SPMAP2L: variants seen among roughly 807,000 people sequenced by gnomAD.
SPMAP2L encodes the protein sperm microtubule associated protein 2 like, also known as sperm microtubule associated protein 2-like.
chr4:56,570,107 A>G, the SPMAP2L span, among the ~76,000 whole-genome samples: 1 of 152,016 alleles, frequency 6.6e-6, no homozygotes, highest in East Asian at 1.9e-4. Context: ...TGCTTTCCCC[A>G]TTTTTGAGTC....
chr4:56,587,626 G>C, the SPMAP2L span, among the ~76,000 whole-genome samples: 1 of 152,104 alleles, frequency 6.6e-6, no homozygotes, highest in South Asian at 2.1e-4. Flanking sequence ...ATTTCATCCA[G>C]GTCACTGCAA....
At chr4:56,570,611 G>A in the SPMAP2L span, among the ~76,000 whole-genome samples, 2 of 152,178 alleles carry the variant, frequency 1.3e-5, no homozygotes, top group South Asian at 4.1e-4. Context: ...GGAGCTTGCA[G>A]GACTGGAAGT....
the SPMAP2L span, among the ~76,000 whole-genome samples, chr4:56,599,564 C>T: frequency 2.0e-5 from 3 of 152,082 alleles, no homozygotes; most frequent in African/African-American, 4.8e-5. Flanking sequence ...CACCCCCTGC[C>T]GCTGACAGGC....
chr4:56,583,269 A>G, the SPMAP2L span, among the ~76,000 whole-genome samples: 6 of 150,988 alleles, frequency 4.0e-5, no homozygotes, highest in Non-Finnish European at 7.4e-5. Context: ...GCGAGACTCC[A>G]TCTGAGAAAA....
chr4:56,580,141 G>C, the SPMAP2L span, among the ~76,000 whole-genome samples: 1 of 152,100 alleles, frequency 6.6e-6, no homozygotes, highest in South Asian at 2.1e-4. Flanking sequence ...GACCAATATA[G>C]TTTATGAATA....
At chr4:56,550,456 A>T in the SPMAP2L span, among the ~76,000 whole-genome samples, 1 of 152,198 alleles carries the variant, frequency 6.6e-6, no homozygotes, top group East Asian at 1.9e-4. Context: ...GAGAAAATGA[A>T]ATTCAGCAAA....
chr4:56,581,283 C>A, the SPMAP2L span, among the ~76,000 whole-genome samples: 2 of 151,942 alleles, frequency 1.3e-5, no homozygotes, highest in East Asian at 3.9e-4. Flanking sequence ...GGTAAAACCT[C>A]GTCTCTACTA....
At chr4:56,594,635 A>G in the SPMAP2L span, 22 of 1,363,420 alleles carry the variant, frequency 1.6e-5, no homozygotes, top group African/African-American at 8.5e-5. Flanking sequence ...AAGTGCCCAC[A>G]TGGCAGGCAT....
chr4:56,579,029 C>G, the SPMAP2L span, among the ~76,000 whole-genome samples: 1 of 151,626 alleles, frequency 6.6e-6, no homozygotes, highest in South Asian at 2.1e-4. Context: ...ACTTCAATAC[C>G]CCACTTTTAA....
the SPMAP2L span, among the ~76,000 whole-genome samples, chr4:56,616,118 G>C: frequency 6.6e-6 from 1 of 152,260 alleles, no homozygotes; most frequent in South Asian, 2.1e-4. Context: ...TCATAGTCCA[G>C]GTGGCTTAAA....
chr4:56,560,231 G>A, the SPMAP2L span, among the ~76,000 whole-genome samples: 161 of 152,282 alleles, frequency 1.1e-3, 1 homozygote, highest in African/African-American at 3.6e-3. Context: ...AGAGATATCT[G>A]AAATCACCTG....
chr4:56,594,142 A>G, the SPMAP2L span: 1 of 1,611,204 alleles, frequency 6.2e-7, no homozygotes, highest in Non-Finnish European at 8.5e-7. Context: ...CATCTGCAGA[A>G]CTGGTTGCTG....
At chr4:56,604,747 C>T in the SPMAP2L span, among the ~76,000 whole-genome samples, 4,772 of 152,102 alleles carry the variant, frequency 0.031, 159 homozygotes, top group African/African-American at 0.081. Context: ...AATATGGAAC[C>T]AACCTAAATG....
chr4:56,573,514 G>A, the SPMAP2L span, among the ~76,000 whole-genome samples: 1 of 151,964 alleles, frequency 6.6e-6, no homozygotes, highest in African/African-American at 2.4e-5. Context: ...CCTTTGTGCC[G>A]CTCATTGGCT....
At chr4:56,606,194 A>G in the SPMAP2L span, among the ~76,000 whole-genome samples, 1 of 152,222 alleles carries the variant, frequency 6.6e-6, no homozygotes, top group Non-Finnish European at 1.5e-5. Flanking sequence ...CTAACTAACC[A>G]AAGAGGATAC....
At chr4:56,625,915 A>G in the SPMAP2L span, among the ~76,000 whole-genome samples, 2 of 152,182 alleles carry the variant, frequency 1.3e-5, no homozygotes, top group African/African-American at 4.8e-5. Flanking sequence ...TGTTTCCCAG[A>G]CAATCTCCAG....
At chr4:56,578,763 A>G in the SPMAP2L span, among the ~76,000 whole-genome samples, 2 of 150,346 alleles carry the variant, frequency 1.3e-5, no homozygotes, top group South Asian at 2.1e-4. Context: ...AGGACATTTT[A>G]TATTATAAAA....
At chr4:56,616,013 G>A in the SPMAP2L span, among the ~76,000 whole-genome samples, 1 of 152,172 alleles carries the variant, frequency 6.6e-6, no homozygotes, top group Non-Finnish European at 1.5e-5. Context: ...AGATTTAGTA[G>A]ATCTGAATTG....
At chr4:56,567,535 C>T in the SPMAP2L span, among the ~76,000 whole-genome samples, 158 of 149,520 alleles carry the variant, frequency 1.1e-3, 1 homozygote, top group African/African-American at 3.5e-3. Flanking sequence ...AGTGATCCGC[C>T]GCCTCGGCCT....
Sources: gnomAD v4.1 joint callset for allele counts (sites outside exome capture counted in the v4.1 genomes callset) on GRCh38, gnomAD v4.1.1 for gene constraint, MANE v1.5 for transcripts, NCBI Gene and HGNC (gene_info 2026-07-23, HGNC 2026-07-21) for gene names.